Variants in EYS observed in about 807,000 individuals in gnomAD.
The protein encoded by EYS is EGF-like photoreceptor maintenance factor.
In EYS, 250 loss-of-function variants were observed where a neutral mutation model predicts 282.1. The observed-to-expected ratio is 0.89, with a 90% CI of 0.80 to 0.98. The LOEUF is 0.98. Ranked by LOEUF, EYS falls within the 50% of genes least tolerant of loss-of-function variation. The probability of loss-of-function intolerance (pLI) is 0.00; values close to 1 mark genes in which losing one functional copy is unlikely to be tolerated. For synonymous variants in EYS, 1,355 were observed against 1,282.9 expected, an observed-to-expected ratio of 1.06 and a Z score of -1.20; for missense variants, 4,016 against 3,709.0, an observed-to-expected ratio of 1.08 and a Z score of -2.15.
intron 1 of EYS, among the ~76,000 whole-genome samples, chr6:65,686,505 C>T (rs1769019172): frequency 6.6e-6 from 1 of 152,070 alleles, no homozygotes; most frequent in African/African-American, 2.4e-5. Context: ...TGCTTCTGTG[C>T]TTGTGCTAGC....
intron 28 of EYS, among the ~76,000 whole-genome samples, chr6:64,390,751 G>C (rs1773099197): frequency 6.7e-6 from 1 of 150,076 alleles, no homozygotes; most frequent in Admixed American, 6.7e-5. Flanking sequence ...TTCCTCACCA[G>C]CAACGGAACA....
intron 2 of EYS, among the ~76,000 whole-genome samples, chr6:65,528,426 G>C (rs1767647598): frequency 6.6e-6 from 1 of 152,196 alleles, no homozygotes; most frequent in Non-Finnish European, 1.5e-5. Flanking sequence ...AATGTCTGTT[G>C]CGTTGAAATT....
chr6:64,374,771 A>G (rs984006161), intron 29 of EYS, among the ~76,000 whole-genome samples: 2 of 152,194 alleles, frequency 1.3e-5, no homozygotes, highest in African/African-American at 2.4e-5. Context: ...AGTACCCTGA[A>G]GCTGCCAAAC....
intron 1 of EYS, among the ~76,000 whole-genome samples, chr6:65,694,376 C>T: frequency 7.0e-6 from 1 of 143,726 alleles, no homozygotes; most frequent in African/African-American, 2.5e-5. Flanking sequence ...ATCATATTGC[C>T]ATTTGATTCT....
At chr6:64,901,714 ATGATAAATGT>A (rs1197851093) in intron 18 of EYS, among the ~76,000 whole-genome samples, 1 of 152,112 alleles carries the variant, frequency 6.6e-6, no homozygotes, top group Admixed American at 6.6e-5. Context: ...AACCAGTAGA[ATGATAAATGT>A]TGGTATATAT....
intron 2 of EYS, among the ~76,000 whole-genome samples, chr6:65,525,128 T>C (rs1369278373): frequency 6.6e-6 from 1 of 152,072 alleles, no homozygotes; most frequent in Admixed American, 6.5e-5. Context: ...TACATAGGTA[T>C]ACATGTGCCA....
At chr6:64,728,557 T>C (rs958120740) in intron 22 of EYS, among the ~76,000 whole-genome samples, 6 of 152,206 alleles carry the variant, frequency 3.9e-5, no homozygotes, top group East Asian at 3.9e-4. Flanking sequence ...GGATGGTCTC[T>C]ATCTCCTGAC....
rs181999533 is a variant in EYS, at chr6:64,999,762, A to C, written c.2138-2059T>G. ...GGTGGCTGCACATCAGGAGGAACGC[A>C]CTGACAAGCGCCGGCACGCTGGAGC... On this transcript the variant is annotated intron_variant, in intron 13 of 42. Transcript: ENST00000503581. Among the ~76,000 whole-genome samples, 7 of 152,306 alleles carry C rather than the reference A, an allele frequency of 4.6e-5. No individual in the cohort carries two copies. In the East Asian group the frequency reaches 1.4e-3, roughly 29 times the overall value.
intron 21 of EYS, 43 bp from the exon 22 acceptor site, chr6:64,813,620 G>T: frequency 8.4e-7 from 1 of 1,191,202 alleles, no homozygotes; most frequent in South Asian, 1.8e-5. Context: ...ATTAGTATAA[G>T]GTTGACCATT....
At chr6:65,576,206 G>A (rs2127356650) in intron 2 of EYS, among the ~76,000 whole-genome samples, 1 of 152,014 alleles carries the variant, frequency 6.6e-6, no homozygotes, top group East Asian at 1.9e-4. Flanking sequence ...GATTTCAACA[G>A]CACACTAAAA....
intron 22 of EYS, among the ~76,000 whole-genome samples, chr6:64,705,162 G>A (rs1318303188): frequency 6.6e-6 from 1 of 152,114 alleles, no homozygotes; most frequent in African/African-American, 2.4e-5. Flanking sequence ...ACACAAATCT[G>A]CAGCTCTGCT....
chr6:63,870,275 T>A (rs868557466), intron 35 of EYS, among the ~76,000 whole-genome samples: 1 of 152,332 alleles, frequency 6.6e-6, no homozygotes, highest in Non-Finnish European at 1.5e-5. Context: ...CTGACCTCAG[T>A]AATGTTCACA....
intron 13 of EYS, among the ~76,000 whole-genome samples, chr6:65,055,160 T>A (rs1773377276): frequency 6.6e-6 from 1 of 152,024 alleles, no homozygotes; most frequent in Admixed American, 6.6e-5. Flanking sequence ...TTCCTTTCTA[T>A]TTCTTAGAGA....
chr6:65,505,369 G>T lies in EYS; in HGVS notation c.-332-9376C>A, dbSNP rs79925889. 1.1e-3 allele frequency among the ~76,000 whole-genome samples: 161 copies of T among 151,572 alleles called. 3 individuals carry two copies. The East Asian group carries it at 0.026, about 24-fold the overall frequency. ...TTTTCAAATAATAACTTTTGTATTA[G>T]TTTATTTTCTTTATTGTTTTTCTAT... On this transcript the variant is annotated intron_variant, in intron 2 of 42. Transcript: ENST00000503581.
intron 26 of EYS, among the ~76,000 whole-genome samples, chr6:64,545,182 G>A (rs958817827): frequency 1.3e-5 from 2 of 152,068 alleles, no homozygotes; most frequent in African/African-American, 4.8e-5. Flanking sequence ...ATGATCAAGT[G>A]GGCTTCATCC....
chr6:63,812,388 A>G (rs140402947), intron 36 of EYS, among the ~76,000 whole-genome samples: 20 of 152,282 alleles, frequency 1.3e-4, no homozygotes, highest in African/African-American at 4.8e-4. Context: ...TGACCACCCT[A>G]TTAAAGTATT....
chr6:64,794,203 T>C (rs1774279979), intron 22 of EYS, among the ~76,000 whole-genome samples: 1 of 152,222 alleles, frequency 6.6e-6, no homozygotes, highest in Non-Finnish European at 1.5e-5. Flanking sequence ...TGCAAAGGAA[T>C]TGAAATTAGG....
intron 2 of EYS, among the ~76,000 whole-genome samples, chr6:65,505,142 A>G (rs1262867266): frequency 6.6e-6 from 1 of 151,874 alleles, no homozygotes; most frequent in Non-Finnish European, 1.5e-5. Flanking sequence ...AGTTTGTGTC[A>G]CTCAAGAAAT....
At chr6:64,619,812 A>C (rs182126502) in intron 23 of EYS, among the ~76,000 whole-genome samples, 1 of 152,122 alleles carries the variant, frequency 6.6e-6, no homozygotes, top group Admixed American at 6.6e-5. Flanking sequence ...GTACAGGATT[A>C]CATTTTTGAA....
Sources: gnomAD v4.1 joint callset for allele counts (sites outside exome capture counted in the v4.1 genomes callset) on GRCh38, gnomAD v4.1.1 for gene constraint, MANE v1.5 for transcripts, NCBI Gene and HGNC (gene_info 2026-07-23, HGNC 2026-07-21) for gene names.